The following CMIP variants were observed in gnomAD, a reference collection of about 807,000 sequenced individuals.
The protein encoded by CMIP is C-Maf-inducing protein.
CMIP carries 13 observed loss-of-function variants against 97.3 expected under a neutral mutation model. The ratio of observed to expected loss-of-function variants is 0.13; its 90% confidence interval spans 0.09 to 0.21. CMIP has a LOEUF of 0.21. Ranked by LOEUF, CMIP falls within the 10% of genes least tolerant of loss-of-function variation. CMIP has a pLI of 1.00. For missense variants in CMIP, 847 were observed against 1,024.9 expected (o/e 0.83, Z 2.37); for synonymous variants, 538 against 436.3 (o/e 1.23, Z -2.91).
chr16:81,686,592 T>A (rs1208839701), intron 10 of CMIP, among the ~76,000 whole-genome samples: 1 of 152,182 alleles, frequency 6.6e-6, no homozygotes, highest in Non-Finnish European at 1.5e-5. Context: ...GGCAACAGGC[T>A]TTCCTGGTCA....
At position 81,670,201 on chromosome 16, in the gene CMIP, C is replaced by T. The variant is rs201681184; in HGVS notation, c.885C>T (p.Asn295=). Residue 295 remains asparagine (N), a synonymous_variant, in exon 8 of 21, where the codon AAC becomes AAT. Transcript: ENST00000537098. ...LFTQEYILAL[N]ELNAGMEVVK... The stretch of plus-strand genomic sequence containing the variant: ...CTCAGGAGTACATCCTTGCCTTGAA[C>T]GAGCTCAACGCGGGGATGGAAGTGG... 3,891 of 1,611,736 alleles carry T rather than the reference C, an allele frequency of 2.4e-3. 12 individuals carry two copies. The highest frequency in any genetic ancestry group is 2.5e-3 in the Non-Finnish European group (2,940 of 1,179,056).
chr16:81,683,290 G>A (rs193086495), intron 10 of CMIP, among the ~76,000 whole-genome samples: 104 of 152,294 alleles, frequency 6.8e-4, no homozygotes, highest in African/African-American at 2.3e-3. Flanking sequence ...CCCGTCGACC[G>A]CTTGGGACTC....
At chr16:81,563,371 C>T (rs2090921263) in intron 1 of CMIP, among the ~76,000 whole-genome samples, 4 of 152,350 alleles carry the variant, frequency 2.6e-5, no homozygotes, top group South Asian at 4.1e-4. Context: ...AGGCAAGTCA[C>T]AAACTCTGCG....
At chr16:81,704,233 C>T (rs190435839) in intron 18 of CMIP, 148 bp downstream of exon 18, 39,742 of 474,444 alleles carry the variant, frequency 0.084, 1,874 homozygotes, top group East Asian at 0.16. Context: ...CTCCTCCCTG[C>T]CCCCCTTACT....
intron 1 of CMIP, among the ~76,000 whole-genome samples, chr16:81,573,355 A>G (rs113546971): frequency 6.6e-6 from 1 of 152,136 alleles, no homozygotes; most frequent in Admixed American, 6.5e-5. Context: ...AAAAATAAAA[A>G]AAAAAAAAAG....
intron 1 of CMIP, among the ~76,000 whole-genome samples, chr16:81,594,060 T>TC (rs1473076370): frequency 2.1e-5 from 1 of 46,654 alleles, no homozygotes; most frequent in African/African-American, 9.1e-5. Context: ...CTCCTCCTCT[T>TC]CCCCCTCCCC....
At chr16:81,649,344 G>T (rs537967041) in intron 3 of CMIP, among the ~76,000 whole-genome samples, 5 of 152,368 alleles carry the variant, frequency 3.3e-5, no homozygotes, top group Non-Finnish European at 2.9e-5. Context: ...CTGAGGCTGG[G>T]TGTACCGACC....
At chr16:81,662,698 C>T (rs938069558) in intron 6 of CMIP, among the ~76,000 whole-genome samples, 1 of 152,078 alleles carries the variant, frequency 6.6e-6, no homozygotes, top group African/African-American at 2.4e-5. Flanking sequence ...ATCTGGGGGC[C>T]GGGTGGGTGA....
intron 9 of CMIP, among the ~76,000 whole-genome samples, chr16:81,673,090 C>T (rs1357654716): frequency 1.3e-5 from 2 of 152,172 alleles, no homozygotes; most frequent in Non-Finnish European, 2.9e-5. Flanking sequence ...CAGGGCAGGG[C>T]CACGACCTGG....
At chr16:81,518,687 G>A (rs2089963286) in intron 1 of CMIP, 1 of 152,236 alleles carries the variant, frequency 6.6e-6, no homozygotes, top group Admixed American at 6.5e-5. Context: ...TGCTTCCTGT[G>A]TTCTGTGTCT....
At chr16:81,658,962 T>C (rs2092515436) in intron 5 of CMIP, among the ~76,000 whole-genome samples, 1 of 152,172 alleles carries the variant, frequency 6.6e-6, no homozygotes, top group South Asian at 2.1e-4. Flanking sequence ...AGGCCTTTGA[T>C]TGTGGAGAGT....
intron 1 of CMIP, among the ~76,000 whole-genome samples, chr16:81,504,715 T>C (rs1421956355): frequency 2.0e-5 from 3 of 150,632 alleles, no homozygotes; most frequent in Non-Finnish European, 4.4e-5. Context: ...ACCTGTGCTG[T>C]GTGTGCTCCA....
At chr16:81,629,868 T>C (rs751214614) in intron 3 of CMIP, among the ~76,000 whole-genome samples, 20 of 152,250 alleles carry the variant, frequency 1.3e-4, no homozygotes, top group Admixed American at 7.8e-4. Context: ...TCCTCAGTTA[T>C]AGATAACGCA....
chr16:81,489,256 C>T (rs2089368347), intron 1 of CMIP, among the ~76,000 whole-genome samples: 1 of 152,080 alleles, frequency 6.6e-6, no homozygotes, highest in Admixed American at 6.5e-5. Flanking sequence ...TGAGGGAGGG[C>T]TTTCTGGAGG....
chr16:81,457,173 G>A (rs561297900), intron 1 of CMIP, among the ~76,000 whole-genome samples: 7 of 149,424 alleles, frequency 4.7e-5, no homozygotes, highest in South Asian at 2.1e-4. Flanking sequence ...GAACCCCTCC[G>A]ACCCCCCCGC....
At position 81,537,546 on chromosome 16, in the gene CMIP, C is replaced by CAAA. The variant is rs397695977; in HGVS notation, c.301-69998_301-69996dup. Among the ~76,000 whole-genome samples, 343 of 82,080 alleles carry CAAA rather than the reference C, an allele frequency of 4.2e-3. 1 individual carries two copies. Among genetic ancestry groups the CAAA allele is most frequent in the Non-Finnish European group, 6.5e-3 (285 of 43,928 alleles). The allele number at this position is 82,080 out of a possible 152,430, so 53.8% of individuals were successfully genotyped here. On this transcript the variant is annotated intron_variant, in intron 1 of 20. Coordinates refer to ENST00000537098, the MANE Select transcript of CMIP (RefSeq NM_198390.3). ...AGAGACTCCGTCTCCAAAAAAAAGA[C>CAAA]AAAAAAAAAAAAAAAAAAAAAAAAA...
At chr16:81,516,015 G>C (rs1225183160) in intron 1 of CMIP, among the ~76,000 whole-genome samples, 1 of 152,190 alleles carries the variant, frequency 6.6e-6, no homozygotes, top group Non-Finnish European at 1.5e-5. Flanking sequence ...CACCTCCCCT[G>C]TGTCTCTCTG....
rs1184000761 is a variant in CMIP at position 81,614,575 on chromosome 16, G to T, written c.427-6301G>T. 6.6e-6 allele frequency among the ~76,000 whole-genome samples: 1 copy of T among 152,092 alleles called. No individual in the cohort carries two copies. The highest frequency in any genetic ancestry group is 1.5e-5 in the Non-Finnish European group (1 of 68,006). ...AATGTGGCAGTGGAGGAAAGGTTGG[G>T]TTAGACCTGGGTCCTTAAGCCGTGG... On this transcript the variant is annotated intron_variant, in intron 2 of 20. Coordinates refer to ENST00000537098, the MANE Select transcript of CMIP (RefSeq NM_198390.3). The surrounding 1 kb of genome is among the most constrained non-coding windows in gnomAD (Gnocchi z 5.3).
intron 3 of CMIP, among the ~76,000 whole-genome samples, chr16:81,642,626 T>A (rs1287284508): frequency 1.3e-5 from 2 of 152,190 alleles, no homozygotes; most frequent in East Asian, 3.8e-4. Flanking sequence ...CAAGAGTTCA[T>A]CAGCGGATTA....
Sources: gnomAD v4.1 joint callset for allele counts (sites outside exome capture counted in the v4.1 genomes callset) on GRCh38, gnomAD v4.1.1 for gene constraint, Gnocchi (gnomAD v3.1) non-coding constraint, MANE v1.5 for transcripts, NCBI Gene and HGNC (gene_info 2026-07-23, HGNC 2026-07-21) for gene names.